Variants in SLC15A4 observed in about 807,000 individuals in gnomAD.
SLC15A4 encodes hPHT1.
A neutral mutation model predicts 46.1 loss-of-function variants in SLC15A4; 26 were observed. The observed-to-expected ratio is 0.56, with a 90% CI of 0.41 to 0.78. SLC15A4 has a LOEUF of 0.78. SLC15A4 is among the 30% of genes least tolerant of loss of function. The pLI is 0.00. For missense variants in SLC15A4, 751 were observed against 755.7 expected (o/e 0.99, Z 0.07); for synonymous variants, 370 against 333.4 (o/e 1.11, Z -1.20).
intron 2 of SLC15A4, 102 bp from the exon 3 acceptor site, chr12:128,810,213 G>A: frequency 8.8e-7 from 1 of 1,136,746 alleles, no homozygotes. Flanking sequence ...TCACTGTATT[G>A]AATCTGCTTC....
chr12:128,813,346 G>A (rs573682338), intron 2 of SLC15A4: 69 of 152,098 alleles, frequency 4.5e-4, no homozygotes, highest in Middle Eastern at 3.4e-3. Context: ...TCTTTAGTGC[G>A]GTCCCACCAT....
At position 128,793,374 on chromosome 12, in the gene SLC15A4, AT is replaced by A. The variant is rs1377728062; in HGVS notation, c.*821del. On this transcript the variant is annotated 3_prime_UTR_variant, in exon 8 of 8. Coordinates refer to ENST00000266771, the MANE Select transcript of SLC15A4 (RefSeq NM_145648.4). ...ACTTTCAATTATTTTTAATTACACT[AT>A]TTCTGTTCAAAAGAATGTTTTCCTT... 1 of 152,200 alleles carries A rather than the reference AT, an allele frequency of 6.6e-6. No individual in the cohort carries two copies. Among genetic ancestry groups the A allele is most frequent in the Non-Finnish European group, 1.5e-5 (1 of 68,038 alleles). 9.4% of individuals were successfully genotyped at this position (152,200 alleles called of 1,614,324 possible). A position where few individuals can be genotyped will look rare whatever the true frequency, so the allele number is the denominator to read the frequency against.
intron 1 of SLC15A4, among the ~76,000 whole-genome samples, chr12:128,818,319 C>T (rs1955787213): frequency 1.3e-5 from 2 of 152,208 alleles, no homozygotes; most frequent in South Asian, 2.1e-4. Flanking sequence ...GCAGCCTCAC[C>T]CCATTGTCTC....
chr12:128,800,086 A>G (rs1053649934), intron 6 of SLC15A4, among the ~76,000 whole-genome samples: 2 of 152,062 alleles, frequency 1.3e-5, no homozygotes, highest in African/African-American at 2.4e-5. Context: ...CAGGTGATCC[A>G]CCCGCCTCGG....
At position 128,799,287 on chromosome 12, in the gene SLC15A4, G is replaced by A. The variant is rs143396970; in HGVS notation, c.1545C>T (p.Ile515=). The A allele has an allele frequency of 9.7e-5, 156 of 1,613,996 alleles. No homozygotes were observed. The highest frequency in any genetic ancestry group is 2.8e-5 in the Non-Finnish European group (33 of 1,180,028). Residue 515 remains isoleucine, a synonymous_variant, in exon 7 of 8, where the codon ATC becomes ATT. Transcript: ENST00000266771. ...AGTCTGTGTGACTGCTCATCCATCC[G>A]ATGGCTTTGATAGACACCAGTGCCA... The part of the protein sequence containing the change: ...GLLALVSIKA[I]GWMSSHTDFG...
chr12:128,800,675 T>C (rs1295629528), intron 6 of SLC15A4, 179 bp downstream of exon 6: 2 of 550,570 alleles, frequency 3.6e-6, no homozygotes, highest in Non-Finnish European at 6.1e-6. Context: ...ACACAAAGAA[T>C]GGAGAACCTC....
intron 1 of SLC15A4, among the ~76,000 whole-genome samples, chr12:128,818,881 T>C (rs796838584): frequency 6.6e-6 from 1 of 152,256 alleles, no homozygotes; most frequent in Non-Finnish European, 1.5e-5. Context: ...CTTATGTGTC[T>C]GGCTTCCTTC....
In SLC15A4 at chr12:128,794,199, G is replaced by A. The variant is rs374739947; in HGVS notation, c.1731C>T (p.Ala577=). The change falls in exon 8 of 8, where the codon GCC becomes GCT. Residue 577 remains alanine, a synonymous_variant. Transcript: ENST00000266771. ...ACCGCACATGGCCTCAGGAAGGTCAGGCCCTCCTGCTGGTGGGCACGCCAT... is the reference window on the plus strand; with the variant it reads ...ACCGCACATGGCCTCAGGAAGGTCAAGCCCTCCTGCTGGTGGGCACGCCAT... ...RANGVPTSRR[A] is the part of the protein sequence containing the mutation. 7 of 1,611,084 alleles carry A rather than the reference G, an allele frequency of 4.3e-6. No individual in the cohort carries two copies.
chr12:128,823,351 G>A, intron 1 of SLC15A4, 47 bp downstream of exon 1: 2 of 1,349,932 alleles, frequency 1.5e-6, no homozygotes, highest in Non-Finnish European at 1.9e-6. Flanking sequence ...CTGGGGCTGG[G>A]CAGGGGCTGG....
chr12:128,799,945 G>C (rs547558325), intron 6 of SLC15A4, among the ~76,000 whole-genome samples: 2 of 152,086 alleles, frequency 1.3e-5, no homozygotes, highest in African/African-American at 4.8e-5. Flanking sequence ...TGGTTCAAGC[G>C]ATTCTCCTGC....
intron 4 of SLC15A4, 45 bp from the exon 5 acceptor site, chr12:128,809,001 G>T (rs763880633): frequency 1.9e-6 from 3 of 1,567,098 alleles, no homozygotes; most frequent in Non-Finnish European, 2.6e-6. Flanking sequence ...CGCAATACAG[G>T]CCATCACCTG....
In SLC15A4 at chr12:128,823,772, G is replaced by A. The variant is rs1350481909; in HGVS notation, c.172C>T (p.Leu58=). The A allele has an allele frequency of 1.3e-6, 2 of 1,526,170 alleles. No individual in the cohort carries two copies. Among genetic ancestry groups the A allele is most frequent in the South Asian group, 1.2e-5 (1 of 83,204 alleles). 94.5% of individuals were successfully genotyped at this position (1,526,170 alleles called of 1,614,324 possible). A position where few individuals can be genotyped will look rare whatever the true frequency, so the allele number is the denominator to read the frequency against. Residue 58 remains leucine, a synonymous_variant, in exon 1 of 8, where the codon CTG becomes TTG. Transcript: ENST00000266771. ...GGCGCCCCGTTCAGGAATAGCACCA[G>A]GTTGGACGTGATGCCGTAGAAAGCG... ...RAAFYGITSN[L]VLFLNGAPFC...
In SLC15A4 at chr12:128,799,316, G is replaced by A; in HGVS notation, c.1516C>T (p.Leu506=). The A allele has an allele frequency of 6.2e-7, 1 of 1,614,166 alleles. No homozygotes were observed. Among genetic ancestry groups the A allele is most frequent in the African/African-American group, 1.3e-5 (1 of 75,024 alleles). ...SGVGSFVGSG[L]LALVSIKAIG... is the part of the protein sequence containing the mutation. ...GCTTTGATAGACACCAGTGCCAGCA[G>A]TCCAGAACCCACGAACGACCCGACG... The change falls in exon 7 of 8, where the codon CTG becomes TTG. Residue 506 remains leucine (L), a synonymous_variant. Transcript: ENST00000266771.
In SLC15A4 at chr12:128,794,300, C is replaced by T; in HGVS notation, c.1630G>A (p.Gly544Arg). The T allele has an allele frequency of 1.2e-6, 2 of 1,613,776 alleles. No homozygotes were observed. Among genetic ancestry groups the T allele is most frequent in the South Asian group, 1.1e-5 (1 of 91,058 alleles). Residue 544 changes from glycine to arginine, a missense_variant, in exon 8 of 8, where the codon GGA becomes AGA. Transcript: ENST00000266771. The part of the protein sequence containing the change: ...YYFFLLAAIQ[G>R]ATLLLFLIIS... ...ATGAGGAAAAGCAGGAGGGTAGCTC[C>T]TTGAATAGCAGCCAGAAGAAAAAAG...
Position 128,823,688 on chromosome 12 carries a change from A to AG in SLC15A4, c.255dup (p.Tyr86LeufsTer99), listed in dbSNP as rs1955888628. 1 of 1,516,810 alleles carries AG rather than the reference A, an allele frequency of 6.6e-7. No homozygotes were observed. Among genetic ancestry groups the AG allele is most frequent in the African/African-American group, 1.4e-5 (1 of 70,104 alleles). The allele number at this position is 1,516,810 out of a possible 1,614,324, so 94.0% of individuals were successfully genotyped here. ...CAGCCTCCGAACGGCGAGCCCAGGT[A>AG]GGTGAGGCCCATGAAGAGCAGCAGC... On this transcript the variant is annotated frameshift_variant, in exon 1 of 8. Transcript: ENST00000266771. LOFTEE classifies it high-confidence loss of function.
rs765019862 is a variant in SLC15A4 at position 128,823,730 on chromosome 12, C to T, written c.214G>A (p.Ala72Thr). 9.7e-6 allele frequency: 15 copies of T among 1,539,566 alleles called. 1 individual carries two copies. In the South Asian group the frequency reaches 1.7e-4, roughly 17 times the overall value. ...AGCAGCAGCGCCTCGCTGGCCTGCG[C>T]GCCCTCCCAGCAGAACGGCGCCCCG... is the stretch of plus-strand genomic sequence containing the variant. ...LNGAPFCWEG[A>T]QASEALLLFM... Residue 72 changes from alanine to threonine, a missense_variant, in exon 1 of 8, where the codon GCG (alanine) becomes ACG (threonine). Transcript: ENST00000266771.
intron 7 of SLC15A4, 78 bp from the exon 8 acceptor site, chr12:128,794,434 G>C: frequency 7.1e-7 from 1 of 1,402,568 alleles, no homozygotes; most frequent in South Asian, 1.4e-5. Flanking sequence ...ATTTAATCTG[G>C]TTCCCACTAA....
chr12:128,806,169 A>AC (rs1433668154), intron 5 of SLC15A4, among the ~76,000 whole-genome samples: 1 of 150,878 alleles, frequency 6.6e-6, no homozygotes, highest in Non-Finnish European at 1.5e-5. Context: ...CTGTCTCAAA[A>AC]AAAAAAAAAA....
chr12:128,811,158 CA>C (rs1207493312), intron 2 of SLC15A4, among the ~76,000 whole-genome samples: 2 of 152,220 alleles, frequency 1.3e-5, no homozygotes, highest in African/African-American at 4.8e-5. Flanking sequence ...CCAAGGATCT[CA>C]GGGGTAAAAT....
Sources: allele counts gnomAD v4.1 joint callset (sites outside exome capture counted in the v4.1 genomes callset), GRCh38; gene constraint gnomAD v4.1.1; transcripts MANE v1.5; gene names NCBI Gene and HGNC (gene_info 2026-07-23, HGNC 2026-07-21).